Variants in PSD3 observed in about 807,000 individuals in gnomAD.
The protein encoded by PSD3 is pleckstrin and Sec7 domain containing 3.
PSD3 carries 49 observed loss-of-function variants against 105.5 expected under a neutral mutation model. That is an observed-to-expected ratio of 0.46 (90% CI 0.37 to 0.59). PSD3 has a LOEUF of 0.59. PSD3 is among the 20% of genes least tolerant of loss of function. The pLI is 0.00. For synonymous variants in PSD3, 557 were observed against 457.8 expected (o/e 1.22, Z -2.77); for missense variants, 1,561 against 1,263.8 (o/e 1.24, Z -3.57).
At chr8:18,895,401 C>G (rs1819080981) in intron 2 of PSD3, among the ~76,000 whole-genome samples, 1 of 152,220 alleles carries the variant, frequency 6.6e-6, no homozygotes, top group Non-Finnish European at 1.5e-5. Context: ...CTCCCCCTAT[C>G]TACAGTCACC....
intron 2 of PSD3, among the ~76,000 whole-genome samples, chr8:18,884,472 T>C (rs1329771267): frequency 1.3e-5 from 2 of 152,114 alleles, no homozygotes; most frequent in African/African-American, 2.4e-5. Context: ...AAATGAGTAA[T>C]CTAAATACAT....
In PSD3 at chr8:18,533,338, A is replaced by G. The variant is rs1437342761; in HGVS notation, c.*2405T>C. 1 of 152,200 alleles carries G rather than the reference A, an allele frequency of 6.6e-6. No individual in the cohort carries two copies. The highest frequency in any genetic ancestry group is 2.4e-5 in the African/African-American group (1 of 41,434). 9.4% of individuals were successfully genotyped at this position (152,200 alleles called of 1,614,324 possible). ...GATCCTGGCTCACAAAAGAACCTTT[A>G]AAGTTGTTTTTAAAGATAAACTATG... On this transcript the variant is annotated 3_prime_UTR_variant, in exon 16 of 16. Transcript: ENST00000327040.
intron 1 of PSD3, among the ~76,000 whole-genome samples, chr8:18,945,206 A>C (rs7009518): frequency 6.6e-6 from 1 of 152,062 alleles, no homozygotes; most frequent in Non-Finnish European, 1.5e-5. Flanking sequence ...AGCCTTTGAA[A>C]ATGTGATTAA....
chr8:18,800,918 G>A (rs139039472), intron 7 of PSD3: 1 of 156,306 alleles, frequency 6.4e-6, no homozygotes, highest in African/African-American at 2.4e-5. Flanking sequence ...ATCTCAGAGT[G>A]ACAAACCATG....
chr8:18,716,776 C>T (rs1490299027), intron 9 of PSD3, among the ~76,000 whole-genome samples: 1 of 152,152 alleles, frequency 6.6e-6, no homozygotes, highest in Non-Finnish European at 1.5e-5. Context: ...TAAAAATGTA[C>T]AATTTTAAAG....
At position 18,901,167 on chromosome 8, in the gene PSD3, A is replaced by AT. The variant is rs1423325898; in HGVS notation, c.131-28435dup. On this transcript the variant is annotated intron_variant, in intron 2 of 15. Coordinates refer to ENST00000327040, the MANE Select transcript of PSD3 (RefSeq NM_015310.4). ...TGAATTCATGTCACAACTCTTGTTC[A>AT]TTTTTCCAGTATTTCTAGTCTACAT... Among the ~76,000 whole-genome samples the AT allele has an allele frequency of 5.9e-5, 9 of 152,174 alleles. 3 individuals carry two copies. Among genetic ancestry groups the AT allele is most frequent in the African/African-American group, 2.2e-4 (9 of 41,542 alleles).
At chr8:18,908,855 C>T (rs1366890942) in intron 2 of PSD3, among the ~76,000 whole-genome samples, 46 of 152,216 alleles carry the variant, frequency 3.0e-4, no homozygotes, top group Non-Finnish European at 5.9e-5. Context: ...ATTTCCTGCC[C>T]TCCCCTTTTT....
intron 1 of PSD3, among the ~76,000 whole-genome samples, chr8:19,010,922 C>G (rs554701743): frequency 6.6e-6 from 1 of 151,462 alleles, no homozygotes; most frequent in African/African-American, 2.4e-5. Context: ...CGGGAAGAAC[C>G]CCTAAATGGT....
At chr8:18,719,192 ATGGGTATGAG>A (rs1031080899) in intron 9 of PSD3, among the ~76,000 whole-genome samples, 2 of 152,190 alleles carry the variant, frequency 1.3e-5, no homozygotes, top group Non-Finnish European at 2.9e-5. Flanking sequence ...ACCCTGGAAG[ATGGGTATGAG>A]TGGACGCCAC....
intron 9 of PSD3, among the ~76,000 whole-genome samples, chr8:18,729,648 G>T (rs1407203052): frequency 6.6e-6 from 1 of 152,170 alleles, no homozygotes; most frequent in Non-Finnish European, 1.5e-5. Context: ...ATCAAGAAAA[G>T]ATACCCAACA....
chr8:18,904,203 GCT>G (rs1443392673), intron 2 of PSD3, among the ~76,000 whole-genome samples: 1 of 152,056 alleles, frequency 6.6e-6, no homozygotes, highest in African/African-American at 2.4e-5. Flanking sequence ...GAGGTGCTAG[GCT>G]CTTTTAAACA....
chr8:18,726,577 T>A (rs987057606), intron 9 of PSD3, among the ~76,000 whole-genome samples: 1 of 152,194 alleles, frequency 6.6e-6, no homozygotes, highest in Non-Finnish European at 1.5e-5. Flanking sequence ...ATGACTTTAA[T>A]TCATGCTCAT....
chr8:18,559,191 A>G (rs1006298431), intron 14 of PSD3, among the ~76,000 whole-genome samples: 4 of 152,352 alleles, frequency 2.6e-5, no homozygotes, highest in Middle Eastern at 6.8e-3. Flanking sequence ...CATCTTTAAG[A>G]TGACTGTTTT....
chr8:19,013,735 AG>A, upstream of PSD3: 1 of 498,944 alleles, frequency 2.0e-6, no homozygotes, highest in Non-Finnish European at 2.8e-6. Context: ...ACCCTGGCGG[AG>A]GCTGGCGAGG....
At chr8:19,060,867 C>T (rs1828874369) in intron 1 of PSD3, among the ~76,000 whole-genome samples, 1 of 152,206 alleles carries the variant, frequency 6.6e-6, no homozygotes, top group African/African-American at 2.4e-5. Flanking sequence ...TTAAAACTGG[C>T]AAGTGGCTTT....
intron 4 of PSD3, among the ~76,000 whole-genome samples, chr8:18,829,074 A>G (rs986026116): frequency 6.6e-6 from 1 of 152,110 alleles, no homozygotes; most frequent in Non-Finnish European, 1.5e-5. Flanking sequence ...CTCCGTTAAA[A>G]AAAAAATACT....
At position 18,935,728 on chromosome 8, in the gene PSD3, C is replaced by T. The variant is rs1474160391; in HGVS notation, c.130+306G>A. On this transcript the variant is annotated intron_variant, in intron 2 of 15. Coordinates refer to ENST00000327040, the MANE Select transcript of PSD3 (RefSeq NM_015310.4). ...AAAAAACCACCAAAAATACATTAGT[C>T]AATATATATAACAATGGTAACTATG... Among the ~76,000 whole-genome samples, 4 of 149,836 alleles carry T rather than the reference C, an allele frequency of 2.7e-5. No homozygotes were observed. In the Admixed American group the frequency reaches 2.7e-4, roughly 10 times the overall value.
intron 9 of PSD3, among the ~76,000 whole-genome samples, chr8:18,699,340 TG>T (rs1214723382): frequency 6.6e-6 from 1 of 152,246 alleles, no homozygotes; most frequent in Non-Finnish European, 1.5e-5. Context: ...TATCTAGCTT[TG>T]ACAACCATGT....
rs573520851 is a variant in PSD3, at chr8:18,851,715, T to C, written c.1634+15959A>G. On this transcript the variant is annotated intron_variant, in intron 4 of 15. Transcript: ENST00000327040. Reference sequence around the variant, plus strand: ...GGAGGGACCGAGCTGCACAGGGAGCTGGCAAGCCCGACAGAACTTTCCCTA... The same window carrying C: ...GGAGGGACCGAGCTGCACAGGGAGCCGGCAAGCCCGACAGAACTTTCCCTA... Among the ~76,000 whole-genome samples, 596 of 152,206 alleles carry C rather than the reference T, an allele frequency of 3.9e-3. 3 individuals carry two copies. Among genetic ancestry groups the C allele is most frequent in the Non-Finnish European group, 7.3e-3 (499 of 68,002 alleles).
Sources: allele counts gnomAD v4.1 joint callset (sites outside exome capture counted in the v4.1 genomes callset), GRCh38; gene constraint gnomAD v4.1.1; transcripts MANE v1.5; gene names NCBI Gene and HGNC (gene_info 2026-07-23, HGNC 2026-07-21).